The following RBBP5 variants were observed in gnomAD, a reference collection of about 807,000 sequenced individuals.
RBBP5 encodes RB binding protein 5, histone lysine methyltransferase complex subunit, also known as retinoblastoma-binding protein 5.
Under a neutral mutation model 72.2 loss-of-function variants are expected in RBBP5, and 5 were observed. The observed-to-expected ratio is 0.07, with a 90% CI of 0.04 to 0.15. RBBP5 has a LOEUF of 0.15. RBBP5 is among the 10% of genes least tolerant of loss of function. The probability of loss-of-function intolerance (pLI) is 1.00; values close to 1 mark genes in which losing one functional copy is unlikely to be tolerated. For missense variants in RBBP5, 322 were observed against 652.2 expected, an observed-to-expected ratio of 0.49 and a Z score of 5.51; for synonymous variants, 209 against 237.2, an observed-to-expected ratio of 0.88 and a Z score of 1.09.
rs1285427038 is a variant in RBBP5, at chr1:205,121,887, G to C, written c.-14C>G. The stretch of plus-strand genomic sequence containing the variant: ...CTCGAGGTTCATCCCTGCGGACTGT[G>C]GCCGCCCGGTCTCAGCTCCGGCAAC... On this transcript the variant is annotated 5_prime_UTR_variant, in exon 1 of 14. Transcript: ENST00000264515. 6.2e-7 allele frequency: 1 copy of C among 1,610,572 alleles called. No homozygotes were observed. Among genetic ancestry groups the C allele is most frequent in the Admixed American group, 1.7e-5 (1 of 60,004 alleles).
In RBBP5 at chr1:205,121,895, G is replaced by T. The variant is rs1265186132; in HGVS notation, c.-22C>A. 2 of 1,609,816 alleles carry T rather than the reference G, an allele frequency of 1.2e-6. No individual in the cohort carries two copies. Among genetic ancestry groups the T allele is most frequent in the Middle Eastern group, 1.7e-4 (1 of 6,060 alleles). ...TCATCCCTGCGGACTGTGGCCGCCC[G>T]GTCTCAGCTCCGGCAACAACACCTT... On this transcript the variant is annotated 5_prime_UTR_variant, in exon 1 of 14. Coordinates refer to ENST00000264515, the MANE Select transcript of RBBP5 (RefSeq NM_005057.4).
chr1:205,094,952 G>A lies in RBBP5; in HGVS notation c.1509C>T (p.Leu503=). The part of the protein sequence containing the change: ...KEKDSPFKPK[L]YKGDRGLPLE... Reference sequence around the variant, plus strand: ...GAGGTAAACCTCTGTCCCCTTTGTAGAGTTTCGGTTTAAATGGAGAATCTT... The same window carrying A: ...GAGGTAAACCTCTGTCCCCTTTGTAAAGTTTCGGTTTAAATGGAGAATCTT... Residue 503 remains leucine, a synonymous_variant, in exon 13 of 14, where the codon CTC becomes CTT. Transcript: ENST00000264515. 6.2e-7 allele frequency: 1 copy of A among 1,614,132 alleles called. No homozygotes were observed. The highest frequency in any genetic ancestry group is 8.5e-7 in the Non-Finnish European group (1 of 1,180,040).
chr1:205,106,240 G>C (rs1424392853), intron 3 of RBBP5, among the ~76,000 whole-genome samples: 2 of 152,210 alleles, frequency 1.3e-5, no homozygotes, highest in African/African-American at 4.8e-5. Context: ...GGAATAACAA[G>C]ATGGTACACT....
At chr1:205,100,891 A>C (rs1164033088) in intron 6 of RBBP5, among the ~76,000 whole-genome samples, 1 of 152,172 alleles carries the variant, frequency 6.6e-6, no homozygotes, top group Non-Finnish European at 1.5e-5. Context: ...ATACTGTTCC[A>C]CCTCAGATCA....
At chr1:205,105,001 C>T (rs1293487313) in intron 4 of RBBP5, 27 bp downstream of exon 4, 3 of 1,610,302 alleles carry the variant, frequency 1.9e-6, no homozygotes, top group African/African-American at 1.3e-5. Flanking sequence ...TAGACCCCAC[C>T]CCAGGAGAGA....
Position 205,101,619 on chromosome 1 carries a change from C to G in RBBP5, c.613G>C (p.Glu205Gln). ...TSNTTAIKSI[E>Q]FARKGSCFLI... The stretch of plus-strand genomic sequence containing the variant: ...ACTCACCTCCCCTTCCGGGCAAACT[C>G]AATTGACTTAATGGCTGTGGTATTG... Residue 205 changes from glutamate (E) to glutamine (Q), a missense_variant, in exon 6 of 14, where the codon GAG (glutamate) becomes CAG (glutamine). Physicochemically the swap from Glu to Gln is conservative, Grantham distance 29. Around this residue, in one of 6 missense-constraint regions of RBBP5, gnomAD observed 161 missense variants for 327.8 expected, o/e 0.49. Coordinates refer to ENST00000264515, the MANE Select transcript of RBBP5 (RefSeq NM_005057.4). The G allele has an allele frequency of 6.2e-7, 1 of 1,612,108 alleles. No homozygotes were observed. The highest frequency in any genetic ancestry group is 8.5e-7 in the Non-Finnish European group (1 of 1,179,092).
At chr1:205,117,903 AG>A (rs1656588877) in intron 1 of RBBP5, among the ~76,000 whole-genome samples, 1 of 151,704 alleles carries the variant, frequency 6.6e-6, no homozygotes, top group South Asian at 2.1e-4. Flanking sequence ...TCTGCCTCAC[AG>A]GTTTAAGTGA....
At chr1:205,116,964 TA>T (rs1656549906) in intron 1 of RBBP5, among the ~76,000 whole-genome samples, 1 of 152,192 alleles carries the variant, frequency 6.6e-6, no homozygotes, top group Non-Finnish European at 1.5e-5. Flanking sequence ...CAACAGCAAA[TA>T]GCAGTTGATT....
At chr1:205,094,277 T>A (rs1191832253) in intron 13 of RBBP5, among the ~76,000 whole-genome samples, 1 of 152,094 alleles carries the variant, frequency 6.6e-6, no homozygotes, top group African/African-American at 2.4e-5. Flanking sequence ...TGGAAAAAAA[T>A]CAAAAACCAA....
intron 3 of RBBP5, among the ~76,000 whole-genome samples, chr1:205,107,051 T>G (rs899118192): frequency 8.0e-6 from 1 of 124,898 alleles, no homozygotes; most frequent in African/African-American, 2.7e-5. Context: ...TATGTGTGTA[T>G]ATGTATGTGT....
intron 3 of RBBP5, among the ~76,000 whole-genome samples, chr1:205,107,946 CAAAA>C (rs772446580): frequency 1.0e-5 from 1 of 100,034 alleles, no homozygotes. Context: ...AAATCTGTCT[CAAAA>C]AAAAAAAAAA....
At chr1:205,091,977 CAG>C (rs1267057522) in intron 13 of RBBP5, 4 of 152,158 alleles carry the variant, frequency 2.6e-5, no homozygotes, top group African/African-American at 9.7e-5. Context: ...ATCCAAATGC[CAG>C]AGTTTCCCTG....
chr1:205,113,134 C>A (rs1209367633), intron 3 of RBBP5, among the ~76,000 whole-genome samples: 1 of 152,024 alleles, frequency 6.6e-6, no homozygotes, highest in East Asian at 1.9e-4. Flanking sequence ...GCAACAACAA[C>A]AAAAATCTAT....
At chr1:205,092,263 G>A (rs941958101) in intron 13 of RBBP5, among the ~76,000 whole-genome samples, 3 of 152,218 alleles carry the variant, frequency 2.0e-5, no homozygotes, top group Non-Finnish European at 4.4e-5. Flanking sequence ...TTCTGTGGAA[G>A]TCTTGGAACT....
At position 205,118,371 on chromosome 1, in the gene RBBP5, G is replaced by C. The variant is rs937615225; in HGVS notation, c.20-2488C>G. On this transcript the variant is annotated intron_variant, in intron 1 of 13. Coordinates refer to ENST00000264515, the MANE Select transcript of RBBP5 (RefSeq NM_005057.4). ...TCACGCCTGTAATCCCAGCACTTTG[G>C]GAGGCCGAGGTGGGCAGATCACTAG... Among the ~76,000 whole-genome samples the C allele has an allele frequency of 9.2e-5, 14 of 151,980 alleles. No homozygotes were observed. The East Asian group carries it at 2.7e-3, about 30-fold the overall frequency.
chr1:205,104,105 A>T, intron 4 of RBBP5, 86 bp from the exon 5 acceptor site: 1 of 1,394,628 alleles, frequency 7.2e-7, no homozygotes, highest in Non-Finnish European at 9.8e-7. Flanking sequence ...CCCTGTCCAT[A>T]CCCTCATCAA....
intron 1 of RBBP5, 90 bp downstream of exon 1, chr1:205,121,765 C>G (rs532148112): frequency 1.8e-4 from 292 of 1,590,662 alleles, no homozygotes; most frequent in Non-Finnish European, 2.4e-4. Flanking sequence ...AACAGTGTCC[C>G]TAAGATTGCA....
At position 205,103,851 on chromosome 1, in the gene RBBP5, G is replaced by A. The variant is rs1184450346; in HGVS notation, c.522+6C>T. The A allele has an allele frequency of 1.2e-6, 2 of 1,607,720 alleles. No homozygotes were observed. The highest frequency in any genetic ancestry group is 3.3e-5 in the Admixed American group (2 of 59,950). ...AGATGCCTGATTTGCCAGCTTTTAG[G>A]CTTACCTTGCCTTTTGCGTTTCCCG... On this transcript the variant is annotated splice_donor_region_variant and intron_variant, in intron 5 of 13. Coordinates refer to ENST00000264515, the MANE Select transcript of RBBP5 (RefSeq NM_005057.4).
At chr1:205,110,355 T>C (rs1265779510) in intron 3 of RBBP5, among the ~76,000 whole-genome samples, 1 of 152,064 alleles carries the variant, frequency 6.6e-6, no homozygotes, top group Non-Finnish European at 1.5e-5. Context: ...TCCTGGGCCA[T>C]TTTTTCTCTC....
Sources: allele counts gnomAD v4.1 joint callset (sites outside exome capture counted in the v4.1 genomes callset), GRCh38; gene constraint gnomAD v4.1.1; regional missense constraint gnomAD v4.1.1; transcripts MANE v1.5; gene names NCBI Gene and HGNC (gene_info 2026-07-23, HGNC 2026-07-21).